Variants in EXOC6B observed in about 807,000 individuals in gnomAD.
The protein encoded by EXOC6B is SEC15 homolog B.
A neutral mutation model predicts 113.5 loss-of-function variants in EXOC6B; 54 were observed. That is an observed-to-expected ratio of 0.48 (90% CI 0.38 to 0.60). The LOEUF is 0.60. Among genes scored for constraint, EXOC6B ranks in the 20% least tolerant of loss-of-function variants. The pLI is 0.00. For missense variants in EXOC6B, 797 were observed against 977.5 expected (o/e 0.82, Z 2.46); for synonymous variants, 357 against 339.0 (o/e 1.05, Z -0.58).
At chr2:72,494,810 A>G (rs1699945833) in intron 15 of EXOC6B, among the ~76,000 whole-genome samples, 1 of 152,144 alleles carries the variant, frequency 6.6e-6, no homozygotes, top group Non-Finnish European at 1.5e-5. Flanking sequence ...AATTATTTCT[A>G]TACCAAGCAG....
At chr2:72,746,027 C>T (rs911280475) in intron 1 of EXOC6B, among the ~76,000 whole-genome samples, 5 of 151,880 alleles carry the variant, frequency 3.3e-5, no homozygotes, top group Admixed American at 6.6e-5. Context: ...TAAACAGGAC[C>T]GCTTAAAAAT....
chr2:72,235,505 A>C (rs1337207096), intron 20 of EXOC6B, among the ~76,000 whole-genome samples: 1 of 152,220 alleles, frequency 6.6e-6, no homozygotes, highest in Non-Finnish European at 1.5e-5. Context: ...AACCTCTGTG[A>C]CATGCAATTT....
chr2:72,653,550 G>A (rs902232786), intron 6 of EXOC6B, among the ~76,000 whole-genome samples: 2 of 147,616 alleles, frequency 1.4e-5, no homozygotes, highest in Admixed American at 6.8e-5. Flanking sequence ...AAAACTTAAA[G>A]TATAATAATA....
intron 6 of EXOC6B, among the ~76,000 whole-genome samples, chr2:72,678,874 T>C (rs1447631151): frequency 6.6e-6 from 1 of 152,202 alleles, no homozygotes; most frequent in Non-Finnish European, 1.5e-5. Context: ...TGAGGACCTA[T>C]TGTTTTGTAA....
chr2:72,811,030 CA>C (rs1012497359), intron 1 of EXOC6B, among the ~76,000 whole-genome samples: 20 of 146,328 alleles, frequency 1.4e-4, no homozygotes, highest in East Asian at 6.1e-4. Context: ...AACCTCATAT[CA>C]AAAAAAAAAC....
intron 6 of EXOC6B, among the ~76,000 whole-genome samples, chr2:72,645,541 T>A (rs1282298115): frequency 2.0e-5 from 3 of 152,170 alleles, no homozygotes; most frequent in African/African-American, 7.2e-5. Context: ...CAGTTGGAAC[T>A]AAAGCACTCC....
At chr2:72,229,149 C>T (rs368610246) in intron 20 of EXOC6B, among the ~76,000 whole-genome samples, 1 of 151,736 alleles carries the variant, frequency 6.6e-6, no homozygotes, top group South Asian at 2.1e-4. Flanking sequence ...TCAAATAAAT[C>T]TCAGGTTTCT....
intron 20 of EXOC6B, among the ~76,000 whole-genome samples, chr2:72,195,257 C>A (rs41397): frequency 0.29 from 43,575 of 152,014 alleles, 6,670 homozygotes; most frequent in African/African-American, 0.35. Flanking sequence ...CCTTTGAGTC[C>A]GAGACTGTCC....
chr2:72,334,353 C>T (rs1688570164), intron 20 of EXOC6B, among the ~76,000 whole-genome samples: 1 of 152,090 alleles, frequency 6.6e-6, no homozygotes, highest in Non-Finnish European at 1.5e-5. Context: ...TATCAGCTTT[C>T]ATCACATTAC....
intron 5 of EXOC6B, among the ~76,000 whole-genome samples, chr2:72,730,577 G>GACACACACACAC (rs1288008767): frequency 1.4e-5 from 1 of 69,634 alleles, no homozygotes; most frequent in African/African-American, 5.7e-5. Flanking sequence ...TAAACAGACA[G>GACACACACACAC]AGACACACAC....
intron 20 of EXOC6B, among the ~76,000 whole-genome samples, chr2:72,296,270 T>C (rs1341602790): frequency 1.3e-5 from 2 of 152,156 alleles, no homozygotes; most frequent in Non-Finnish European, 2.9e-5. Context: ...TACCTTGATA[T>C]GTTTGGGGGA....
intron 18 of EXOC6B, among the ~76,000 whole-genome samples, chr2:72,386,675 G>A (rs918124685): frequency 2.0e-5 from 3 of 152,200 alleles, no homozygotes; most frequent in Non-Finnish European, 4.4e-5. Context: ...GTGTGTGGGT[G>A]CACAAAGTGC....
chr2:72,469,831 T>C lies in EXOC6B; in HGVS notation c.1801-4492A>G, dbSNP rs181191676. Reference sequence around the variant, plus strand: ...TTTTCTGCCTCCTGGATTTGTCAGTTACAGTAGAAGTGTTCCAGAAATTTT... The same window carrying C: ...TTTTCTGCCTCCTGGATTTGTCAGTCACAGTAGAAGTGTTCCAGAAATTTT... On this transcript the variant is annotated intron_variant, in intron 17 of 21. Coordinates refer to ENST00000272427, the MANE Select transcript of EXOC6B (RefSeq NM_015189.3). Among the ~76,000 whole-genome samples the C allele has an allele frequency of 5.9e-4, 90 of 152,228 alleles. 2 individuals are homozygous for C. In the Middle Eastern group the frequency reaches 0.01, roughly 17 times the overall value.
intron 18 of EXOC6B, among the ~76,000 whole-genome samples, chr2:72,409,975 CGTT>C (rs1694059729): frequency 6.6e-6 from 1 of 152,156 alleles, no homozygotes; most frequent in African/African-American, 2.4e-5. Flanking sequence ...GGGATGCCGT[CGTT>C]CCCCCACAGA....
At chr2:72,520,748 G>A (rs1324112375) in intron 8 of EXOC6B, among the ~76,000 whole-genome samples, 1 of 152,168 alleles carries the variant, frequency 6.6e-6, no homozygotes, top group Non-Finnish European at 1.5e-5. Context: ...TATAAAATAT[G>A]AGCAAATATT....
At chr2:72,679,266 C>T (rs2104535674) in intron 6 of EXOC6B, among the ~76,000 whole-genome samples, 1 of 152,178 alleles carries the variant, frequency 6.6e-6, no homozygotes, top group Middle Eastern at 3.4e-3. Flanking sequence ...CAGGGTTTCA[C>T]CATGTTGGCC....
intron 19 of EXOC6B, among the ~76,000 whole-genome samples, chr2:72,367,335 C>A (rs1371639479): frequency 0.01 from 28 of 2,780 alleles, no homozygotes; most frequent in Non-Finnish European, 0.018. Flanking sequence ...ACTGATTAAT[C>A]TAAAAAAAAG....
chr2:72,612,079 T>A (rs1275834277), intron 6 of EXOC6B, among the ~76,000 whole-genome samples: 3 of 152,010 alleles, frequency 2.0e-5, no homozygotes, highest in Non-Finnish European at 4.4e-5. Context: ...GGCCGTAGAC[T>A]AGCCTGGGCA....
chr2:72,748,189 GAT>G (rs1681821413), intron 1 of EXOC6B, among the ~76,000 whole-genome samples: 1 of 151,894 alleles, frequency 6.6e-6, no homozygotes, highest in Non-Finnish European at 1.5e-5. Context: ...TTTTGTTTTT[GAT>G]TAATTCAAGG....
Sources: allele counts gnomAD v4.1 joint callset (sites outside exome capture counted in the v4.1 genomes callset), GRCh38; gene constraint gnomAD v4.1.1; transcripts MANE v1.5; gene names NCBI Gene and HGNC (gene_info 2026-07-23, HGNC 2026-07-21).